Variants in USP48 observed in about 807,000 individuals in gnomAD.
USP48 encodes ubiquitin specific peptidase 48, also known as ubiquitin carboxyl-terminal hydrolase 48.
USP48 carries 43 observed loss-of-function variants against 150.7 expected under a neutral mutation model. The observed-to-expected ratio is 0.29, with a 90% confidence interval of 0.22 to 0.37. USP48 has a LOEUF of 0.37. Ranked by LOEUF, USP48 falls within the 10% of genes least tolerant of loss-of-function variation. The pLI is 1.00. For synonymous variants in USP48, 396 were observed against 425.9 expected (o/e 0.93, Z 0.86); for missense variants, 813 against 1,249.6 (o/e 0.65, Z 5.27).
intron 24 of USP48, among the ~76,000 whole-genome samples, chr1:21,688,128 T>C (rs905757912): frequency 1.3e-5 from 2 of 152,160 alleles, no homozygotes; most frequent in Non-Finnish European, 2.9e-5. Flanking sequence ...GGGATTCTTT[T>C]GGCCAAGAAG....
At position 21,704,313 on chromosome 1, in the gene USP48, T is replaced by C. The variant is rs1427199020; in HGVS notation, c.2464A>G (p.Ile822Val). 1 of 1,613,842 alleles carries C rather than the reference T, an allele frequency of 6.2e-7. No homozygotes were observed. The highest frequency in any genetic ancestry group is 8.5e-7 in the Non-Finnish European group (1 of 1,179,968). ...VVDHVIKITRIEVGDVNPSET... is the reference protein window; with the variant it reads ...VVDHVIKITRVEVGDVNPSET... Reference sequence around the variant, plus strand: ...GAAGGGTTTACATCTCCCACTTCAATTCTCGTGATTTTAATTACATGATCC... The same window carrying C: ...GAAGGGTTTACATCTCCCACTTCAACTCTCGTGATTTTAATTACATGATCC... The change falls in exon 20 of 27, where the codon ATT (isoleucine) becomes GTT (valine). Residue 822 changes from isoleucine (I) to valine (V), a missense_variant. Physicochemically the swap from Ile to Val is conservative, Grantham distance 29. Coordinates refer to ENST00000308271, the MANE Select transcript of USP48 (RefSeq NM_032236.8).
chr1:21,688,174 C>T (rs993630098), intron 24 of USP48, among the ~76,000 whole-genome samples: 2 of 152,242 alleles, frequency 1.3e-5, no homozygotes, highest in South Asian at 2.1e-4. Context: ...CTAAGTTAGG[C>T]CCTTAGGGAG....
rs2097729688 is a variant in USP48 at position 21,724,128 on chromosome 1, A to AT, written c.1451-34dup. The AT allele has an allele frequency of 2.5e-6, 4 of 1,603,278 alleles. No homozygotes were observed. The African/African-American group carries it at 5.3e-5, about 21-fold the overall frequency. On this transcript the variant is annotated intron_variant, in intron 11 of 26. Transcript: ENST00000308271. ...AGCAAGCATCGGAAAGAGCCTATGTATTTTTACAGTTTTTTGACTAAGTGA... is the reference window on the plus strand; with the variant it reads ...AGCAAGCATCGGAAAGAGCCTATGTATTTTTTACAGTTTTTTGACTAAGTGA...
Position 21,695,062 on chromosome 1 carries a change from T to A in USP48, c.2883+4A>T. The A allele has an allele frequency of 6.2e-7, 1 of 1,607,610 alleles. No homozygotes were observed. Among genetic ancestry groups the A allele is most frequent in the Non-Finnish European group, 8.5e-7 (1 of 1,177,860 alleles). On this transcript the variant is annotated splice_donor_region_variant and intron_variant, in intron 23 of 26. Transcript: ENST00000308271. ...GAGCAAACTTGAACAAATGTTTCCC[T>A]CACCTGAATTTTCAATTCTTTTAAC...
intron 25 of USP48, among the ~76,000 whole-genome samples, chr1:21,683,319 G>C (rs1247647885): frequency 6.6e-6 from 1 of 152,174 alleles, no homozygotes; most frequent in African/African-American, 2.4e-5. Flanking sequence ...CTTATATTTT[G>C]ATACATGCAT....
intron 8 of USP48, among the ~76,000 whole-genome samples, chr1:21,739,071 T>C (rs780865521): frequency 8.6e-5 from 13 of 152,024 alleles, no homozygotes; most frequent in Non-Finnish European, 1.6e-4. Context: ...GACAACAGAG[T>C]TTCCCTCTGC....
At chr1:21,681,560 C>T (rs1451517448) in intron 25 of USP48, among the ~76,000 whole-genome samples, 1 of 152,084 alleles carries the variant, frequency 6.6e-6, no homozygotes, top group Non-Finnish European at 1.5e-5. Context: ...TCGTGCCTGG[C>T]CTACTTCATA....
chr1:21,707,318 T>C (rs1246221005), intron 15 of USP48, among the ~76,000 whole-genome samples: 1 of 152,214 alleles, frequency 6.6e-6, no homozygotes. Flanking sequence ...TTGACTAATC[T>C]TGAAATCACA....
In USP48 at chr1:21,706,546, A is replaced by G; in HGVS notation, c.2132T>C (p.Met711Thr). The change falls in exon 17 of 27, where the codon ATG becomes ACG. Residue 711 changes from methionine (M) to threonine (T), a missense_variant. Coordinates refer to ENST00000308271, the MANE Select transcript of USP48 (RefSeq NM_032236.8). ...AGAAGTCTTTTGCTCGTTTGCAATCATCTTATGTAAGGCTTCATTTTCTTC... is the reference window on the plus strand; with the variant it reads ...AGAAGTCTTTTGCTCGTTTGCAATCGTCTTATGTAAGGCTTCATTTTCTTC... ...EGEENEALHK[M>T]IANEQKTSLP... 6.2e-7 allele frequency: 1 copy of G among 1,614,176 alleles called. No individual in the cohort carries two copies. Among genetic ancestry groups the G allele is most frequent in the Non-Finnish European group, 8.5e-7 (1 of 1,180,018 alleles).
At chr1:21,708,616 G>A (rs1265898788) in intron 15 of USP48, among the ~76,000 whole-genome samples, 3 of 151,972 alleles carry the variant, frequency 2.0e-5, no homozygotes, top group African/African-American at 7.2e-5. Context: ...GGGGGCAGTG[G>A]CTCACGCCTG....
chr1:21,696,722 A>G lies in USP48; in HGVS notation c.2728-1501T>C, dbSNP rs185608029. 6.9e-3 allele frequency among the ~76,000 whole-genome samples: 1,044 copies of G among 152,294 alleles called. 8 individuals are homozygous for G. The highest frequency in any genetic ancestry group is 0.012 in the Non-Finnish European group (788 of 68,034). On this transcript the variant is annotated intron_variant, in intron 22 of 26. Coordinates refer to ENST00000308271, the MANE Select transcript of USP48 (RefSeq NM_032236.8). Reference sequence around the variant, plus strand: ...ACTACCTAAAGGTGCTGTAAAAAGGATGCCCCTGGGTGTGCATGATACATG... The same window carrying G: ...ACTACCTAAAGGTGCTGTAAAAAGGGTGCCCCTGGGTGTGCATGATACATG...
At chr1:21,750,617 A>T (rs1199901004) in intron 6 of USP48, among the ~76,000 whole-genome samples, 3 of 152,148 alleles carry the variant, frequency 2.0e-5, no homozygotes, top group African/African-American at 7.2e-5. Flanking sequence ...TCACGTGTGT[A>T]ATCCCAGCAC....
intron 22 of USP48, among the ~76,000 whole-genome samples, chr1:21,701,274 G>C (rs1027726812): frequency 2.0e-5 from 3 of 149,800 alleles, no homozygotes; most frequent in African/African-American, 7.4e-5. Context: ...GCTGGGGCAG[G>C]AGAATCATTT....
chr1:21,713,463 C>A (rs2097695962), intron 15 of USP48, among the ~76,000 whole-genome samples: 1 of 152,150 alleles, frequency 6.6e-6, no homozygotes, highest in Non-Finnish European at 1.5e-5. Context: ...CCTGAAGCAA[C>A]ATTCGGCTTT....
intron 12 of USP48, 103 bp downstream of exon 12, chr1:21,723,795 A>C: frequency 2.0e-6 from 2 of 1,007,974 alleles, no homozygotes; most frequent in Non-Finnish European, 3.0e-6. Flanking sequence ...TATTTGGTCT[A>C]GCATAGTTTG....
chr1:21,701,364 TC>T, intron 22 of USP48, 133 bp downstream of exon 22: 1 of 481,888 alleles, frequency 2.1e-6, no homozygotes, highest in Non-Finnish European at 3.5e-6. Context: ...AGACTCCATC[TC>T]AAAAAAAAAA....
intron 22 of USP48, among the ~76,000 whole-genome samples, chr1:21,701,218 T>C (rs1239759060): frequency 6.6e-6 from 1 of 150,726 alleles, no homozygotes; most frequent in Admixed American, 6.6e-5. Context: ...TATAAAAAAT[T>C]AGCCGGGTGT....
chr1:21,691,214 T>C (rs1249020430), intron 23 of USP48, among the ~76,000 whole-genome samples: 2 of 148,982 alleles, frequency 1.3e-5, no homozygotes, highest in Non-Finnish European at 3.0e-5. Context: ...CTCGGGAGGC[T>C]GAGGCCAGAG....
chr1:21,719,305 C>A, intron 14 of USP48, among the ~76,000 whole-genome samples: 1 of 150,328 alleles, frequency 6.7e-6, no homozygotes, highest in East Asian at 1.9e-4. Flanking sequence ...AAAAAAAAGT[C>A]TCAAAAAAGA....
Sources: allele counts gnomAD v4.1 joint callset (sites outside exome capture counted in the v4.1 genomes callset), GRCh38; gene constraint gnomAD v4.1.1; transcripts MANE v1.5; gene names NCBI Gene and HGNC (gene_info 2026-07-23, HGNC 2026-07-21).